The following NLRC4 variants were observed in gnomAD, a reference collection of about 807,000 sequenced individuals.
NLRC4 encodes NLR family CARD domain containing 4.
A neutral mutation model predicts 79.9 loss-of-function variants in NLRC4; 63 were observed. That is an observed-to-expected ratio of 0.79 (90% confidence interval 0.64 to 0.97). NLRC4 has a LOEUF of 0.97. NLRC4 is among the 50% of genes least tolerant of loss of function. NLRC4 has a pLI of 0.00. For synonymous variants in NLRC4, 461 were observed against 456.5 expected (o/e 1.01, Z -0.12); for missense variants, 1,074 against 1,215.2 (o/e 0.88, Z 1.73).
chr2:32,232,727 G>A (rs1278119048), intron 8 of NLRC4, among the ~76,000 whole-genome samples: 1 of 152,126 alleles, frequency 6.6e-6, no homozygotes, highest in African/African-American at 2.4e-5. Flanking sequence ...AAATAGAAAG[G>A]GCCTGAAAAA....
intron 4 of NLRC4, among the ~76,000 whole-genome samples, chr2:32,246,193 ATAAT>A (rs1159944750): frequency 3.3e-5 from 5 of 152,204 alleles, no homozygotes; most frequent in African/African-American, 4.8e-5. Flanking sequence ...CAAAAAAATA[ATAAT>A]TAAATAAAGT....
intron 1 of NLRC4, 101 bp from the exon 2 acceptor site, chr2:32,256,994 C>A: frequency 2.0e-6 from 1 of 492,632 alleles, no homozygotes; most frequent in Non-Finnish European, 3.6e-6. Flanking sequence ...AATGGTGACC[C>A]AAACCAGAAA....
At chr2:32,236,578 A>G (rs1482799492) in intron 6 of NLRC4, among the ~76,000 whole-genome samples, 1 of 152,220 alleles carries the variant, frequency 6.6e-6, no homozygotes, top group Non-Finnish European at 1.5e-5. Flanking sequence ...AATGAATTCC[A>G]GGTCACGTAG....
chr2:32,248,905 GCT>G (rs1242317531), intron 4 of NLRC4, among the ~76,000 whole-genome samples: 1 of 152,184 alleles, frequency 6.6e-6, no homozygotes, highest in Non-Finnish European at 1.5e-5. Flanking sequence ...AACTCATCCA[GCT>G]CACAAATGCT....
At chr2:32,227,232 C>T (rs1424466872) in intron 8 of NLRC4, among the ~76,000 whole-genome samples, 1 of 151,930 alleles carries the variant, frequency 6.6e-6, no homozygotes, top group Non-Finnish European at 1.5e-5. Flanking sequence ...ACCCCACCTG[C>T]CTGGACTGCT....
At chr2:32,231,572 TGTGG>T in intron 8 of NLRC4, among the ~76,000 whole-genome samples, 1 of 59,490 alleles carries the variant, frequency 1.7e-5, no homozygotes, top group African/African-American at 8.0e-5. Flanking sequence ...TATTTTTTTT[TGTGG>T]GGGGGGGGTG....
At chr2:32,242,237 T>G (rs1686822567) in intron 4 of NLRC4, among the ~76,000 whole-genome samples, 3 of 151,912 alleles carry the variant, frequency 2.0e-5, no homozygotes, top group Non-Finnish European at 1.5e-5. Flanking sequence ...AGTTGGATCT[T>G]TGAAAAGATC....
At position 32,249,927 on chromosome 2, in the gene NLRC4, C is replaced by A; in HGVS notation, c.1937G>T (p.Ser646Ile). The A allele has an allele frequency of 6.2e-7, 1 of 1,614,236 alleles. No homozygotes were observed. The highest frequency in any genetic ancestry group is 8.5e-7 in the Non-Finnish European group (1 of 1,180,054). The stretch of plus-strand genomic sequence containing the variant: ...GTTGAAGAACAAAGATACAGCCCTG[C>A]TGGGAATGTAGGTTTCTGGGGCCTC... ...MEEAPETYIP[S>I]RAVSLFFNWK... Residue 646 changes from serine (S) to isoleucine (I), a missense_variant, in exon 4 of 9, where the codon AGC becomes ATC. Coordinates refer to ENST00000402280, the MANE Select transcript of NLRC4 (RefSeq NM_001199138.2).
chr2:32,254,606 G>T (rs893432242), intron 2 of NLRC4, among the ~76,000 whole-genome samples: 3 of 142,200 alleles, frequency 2.1e-5, no homozygotes, highest in Admixed American at 7.3e-5. Flanking sequence ...GGGCTAGGCT[G>T]CTCCTGGTTT....
chr2:32,224,683 A>C lies in NLRC4; in HGVS notation c.2865T>G (p.Leu955=), dbSNP rs1242501096. The change falls in exon 9 of 9, where the codon CTT becomes CTG. Residue 955 remains leucine, a synonymous_variant. Transcript: ENST00000402280. ...AGNRVSSDGW[L]AFMGVFENLK... ...GATTCTCAAATACACCCATGAAGGC[A>C]AGCCATCCATCACTGCTCACACGAT... The C allele has an allele frequency of 6.2e-7, 1 of 1,613,240 alleles. No individual in the cohort carries two copies. Among genetic ancestry groups the C allele is most frequent in the Non-Finnish European group, 8.5e-7 (1 of 1,179,390 alleles).
intron 1 of NLRC4, among the ~76,000 whole-genome samples, chr2:32,261,114 A>AC (rs1687333109): frequency 6.7e-6 from 1 of 149,818 alleles, no homozygotes; most frequent in South Asian, 2.1e-4. Flanking sequence ...AATGGCGTGA[A>AC]CCCGGGGGGC....
intron 1 of NLRC4, 63 bp from the exon 2 acceptor site, chr2:32,256,956 G>A: frequency 3.7e-6 from 2 of 543,194 alleles, no homozygotes; most frequent in East Asian, 2.9e-5. Flanking sequence ...AATTATCTAG[G>A]TAATGCCCCG....
At chr2:32,240,905 A>G (rs1242836283) in intron 5 of NLRC4, 128 bp downstream of exon 5, 7 of 613,114 alleles carry the variant, frequency 1.1e-5, no homozygotes, top group African/African-American at 1.9e-5. Flanking sequence ...TGTCTGGGGA[A>G]ACCAATGTAG....
At chr2:32,235,096 T>C (rs1686641154) in intron 8 of NLRC4, among the ~76,000 whole-genome samples, 1 of 152,158 alleles carries the variant, frequency 6.6e-6, no homozygotes, top group Non-Finnish European at 1.5e-5. Context: ...TTTCCTGATA[T>C]TGGAGGGAGG....
intron 8 of NLRC4, among the ~76,000 whole-genome samples, chr2:32,231,888 G>A (rs143121802): frequency 6.6e-6 from 1 of 152,112 alleles, no homozygotes; most frequent in South Asian, 2.1e-4. Flanking sequence ...CTTTTTTTCT[G>A]TTGCAGGAAC....
chr2:32,250,595 T>G lies in NLRC4; in HGVS notation c.1269A>C (p.Thr423=), dbSNP rs1214167589. 1 of 1,614,206 alleles carries G rather than the reference T, an allele frequency of 6.2e-7. No individual in the cohort carries two copies. Among genetic ancestry groups the G allele is most frequent in the Admixed American group, 1.7e-5 (1 of 60,026 alleles). The change falls in exon 4 of 9, where the codon ACA becomes ACC. Residue 423 remains threonine, a synonymous_variant. Transcript: ENST00000402280. The surrounding 1 kb of genome is among the most constrained non-coding windows in gnomAD (Gnocchi z 4.9). ...CTGTATATTTACAGAGGAGCCCAGTTGTCAGCAGGACATCCTCATTCACGC... is the reference window on the plus strand; with the variant it reads ...CTGTATATTTACAGAGGAGCCCAGTGGTCAGCAGGACATCCTCATTCACGC... The part of the protein sequence containing the change: ...VSSVNEDVLL[T]TGLLCKYTAQ...
In NLRC4 at chr2:32,239,300, G is replaced by GAA. The variant is rs1686742645; in HGVS notation, c.2351-1000_2351-999dup. Among the ~76,000 whole-genome samples the GAA allele has an allele frequency of 5.9e-5, 9 of 152,162 alleles. 2 individuals carry two copies. The highest frequency in any genetic ancestry group is 5.2e-4 in the Admixed American group (8 of 15,268). ...CCATCTCAAAGAAAAGAAAAGAAAA[G>GAA]AAATAAAATATATGATTCTAATAAT... On this transcript the variant is annotated intron_variant, in intron 5 of 8. Transcript: ENST00000402280.
rs773003121 is a variant in NLRC4, at chr2:32,236,254, A to T, written c.2607T>A (p.His869Gln). Residue 869 changes from histidine to glutamine, a missense_variant, in exon 7 of 9, where the codon CAT becomes CAA. His to Gln is a conservative substitution (Grantham distance 24). Coordinates refer to ENST00000402280, the MANE Select transcript of NLRC4 (RefSeq NM_001199138.2). ...YLEKDGNEAL[H>Q]ELIDRMNVLE... is the part of the protein sequence containing the mutation. The stretch of plus-strand genomic sequence containing the variant: ...CTGAATTGTCATTCTTACTCAGTTC[A>T]TGAAGAGCTTCATTTCCATCTTTTT... 1.3e-6 allele frequency: 2 copies of T among 1,599,736 alleles called. No homozygotes were observed. Among genetic ancestry groups the T allele is most frequent in the East Asian group, 4.5e-5 (2 of 44,760 alleles).
Position 32,250,385 on chromosome 2 carries a change from G to T in NLRC4, c.1479C>A (p.Tyr493Ter). Residue 493 changes from tyrosine to a stop codon, truncating the protein, a stop_gained, in exon 4 of 9, where the codon TAC becomes TAA. Coordinates refer to ENST00000402280, the MANE Select transcript of NLRC4 (RefSeq NM_001199138.2). LOFTEE classifies it high-confidence loss of function. This position sits in a 1 kb window ranked among gnomAD's most constrained non-coding sequence, Gnocchi z 4.9. ...ITSTYSSLLR[Y>*]TCGSSVEATR... Reference sequence around the variant, plus strand: ...TGGCTTCCACAGATGACCCACAGGTGTACCGGAGCAGGCTGCTATAAGTGG... The same window carrying T: ...TGGCTTCCACAGATGACCCACAGGTTTACCGGAGCAGGCTGCTATAAGTGG... 6.2e-7 allele frequency: 1 copy of T among 1,614,196 alleles called. No homozygotes were observed. Among genetic ancestry groups the T allele is most frequent in the Non-Finnish European group, 8.5e-7 (1 of 1,180,038 alleles).
Sources: gnomAD v4.1 joint callset for allele counts (sites outside exome capture counted in the v4.1 genomes callset) on GRCh38, gnomAD v4.1.1 for gene constraint, Gnocchi (gnomAD v3.1) non-coding constraint, MANE v1.5 for transcripts, NCBI Gene and HGNC (gene_info 2026-07-23, HGNC 2026-07-21) for gene names.